The following EYS variants were observed in gnomAD, a reference collection of about 807,000 sequenced individuals.
EYS encodes protein eyes shut homolog.
EYS carries 250 observed loss-of-function variants against 282.1 expected under a neutral mutation model. That is an observed-to-expected ratio of 0.89 (90% CI 0.80 to 0.98). EYS has a LOEUF of 0.98. EYS is among the 50% of genes least tolerant of loss of function. The pLI is 0.00. For missense variants in EYS, 4,016 were observed against 3,709.0 expected (o/e 1.08, Z -2.15); for synonymous variants, 1,355 against 1,282.9 (o/e 1.06, Z -1.20).
chr6:64,439,014 GA>G (rs1182817651), intron 27 of EYS, 147 bp downstream of exon 27: 18 of 398,718 alleles, frequency 4.5e-5, no homozygotes, highest in Non-Finnish European at 7.0e-5. Flanking sequence ...TACATAGAAA[GA>G]AATTATAAAA....
intron 22 of EYS, among the ~76,000 whole-genome samples, chr6:64,746,257 A>T (rs775160008): frequency 1.3e-5 from 2 of 152,024 alleles, no homozygotes; most frequent in Non-Finnish European, 2.9e-5. Flanking sequence ...TTCCATCCTC[A>T]TAAGTGGATT....
intron 22 of EYS, among the ~76,000 whole-genome samples, chr6:64,710,610 C>T (rs979988942): frequency 6.6e-6 from 1 of 152,224 alleles, no homozygotes; most frequent in Non-Finnish European, 1.5e-5. Context: ...CCTGTGTTTC[C>T]TTCCTTTGTT....
At chr6:65,657,909 A>G (rs941559649) in intron 1 of EYS, among the ~76,000 whole-genome samples, 1 of 151,944 alleles carries the variant, frequency 6.6e-6, no homozygotes, top group East Asian at 1.9e-4. Flanking sequence ...ACCTTCCTTC[A>G]TCAGTCAGCA....
At chr6:63,722,277 C>G (rs980172613) in intron 42 of EYS, among the ~76,000 whole-genome samples, 1 of 152,054 alleles carries the variant, frequency 6.6e-6, no homozygotes, top group African/African-American at 2.4e-5. Flanking sequence ...CGCCTGTTTT[C>G]TAGGAACACT....
intron 22 of EYS, among the ~76,000 whole-genome samples, chr6:64,752,977 C>T (rs1772812195): frequency 6.6e-6 from 1 of 152,090 alleles, no homozygotes; most frequent in Non-Finnish European, 1.5e-5. Flanking sequence ...AACTATCAGA[C>T]ATGCATTTTG....
chr6:64,393,818 T>G (rs1004095551), intron 28 of EYS, among the ~76,000 whole-genome samples: 41 of 151,932 alleles, frequency 2.7e-4, no homozygotes, highest in African/African-American at 9.2e-4. Flanking sequence ...ATGGTATTCA[T>G]TTAGGAAAAG....
At chr6:65,536,327 T>G (rs891292140) in intron 2 of EYS, among the ~76,000 whole-genome samples, 2 of 140,240 alleles carry the variant, frequency 1.4e-5, no homozygotes, top group African/African-American at 6.5e-5. Flanking sequence ...AGCAGAGATT[T>G]TTTTTTTTTT....
chr6:65,254,970 T>C (rs1767421632), intron 12 of EYS, among the ~76,000 whole-genome samples: 1 of 151,782 alleles, frequency 6.6e-6, no homozygotes, highest in Non-Finnish European at 1.5e-5. Context: ...GCAAAATAAC[T>C]GCCATTGAAA....
At chr6:65,458,126 G>T (rs1764695398) in intron 5 of EYS, among the ~76,000 whole-genome samples, 2 of 152,126 alleles carry the variant, frequency 1.3e-5, no homozygotes, top group South Asian at 4.2e-4. Flanking sequence ...AACATCTTTG[G>T]AATATAACTA....
At chr6:64,775,088 A>T (rs1239679494) in intron 22 of EYS, among the ~76,000 whole-genome samples, 1 of 151,998 alleles carries the variant, frequency 6.6e-6, no homozygotes, top group African/African-American at 2.4e-5. Flanking sequence ...CTCTCCTGGG[A>T]TAAAACAGCA....
intron 22 of EYS, among the ~76,000 whole-genome samples, chr6:64,748,692 G>C (rs1772638901): frequency 6.6e-6 from 1 of 152,132 alleles, no homozygotes; most frequent in South Asian, 2.1e-4. Flanking sequence ...TAACCAAGTG[G>C]GCTTGGGAAG....
At chr6:64,745,646 A>G (rs1359776579) in intron 22 of EYS, among the ~76,000 whole-genome samples, 1 of 152,212 alleles carries the variant, frequency 6.6e-6, no homozygotes, top group Non-Finnish European at 1.5e-5. Flanking sequence ...CAGTTACTTA[A>G]GCAATAATAT....
intron 35 of EYS, among the ~76,000 whole-genome samples, chr6:63,881,485 G>A (rs926936023): frequency 3.3e-5 from 5 of 152,022 alleles, no homozygotes; most frequent in Middle Eastern, 3.2e-3. Flanking sequence ...CTATTTCCTG[G>A]TAAAAATATA....
At chr6:65,523,879 C>CG (rs1050265278) in intron 2 of EYS, among the ~76,000 whole-genome samples, 20 of 152,126 alleles carry the variant, frequency 1.3e-4, no homozygotes, top group Admixed American at 8.5e-4. Flanking sequence ...AAAAGTCCAA[C>CG]TTTTTGTTTG....
At chr6:64,692,523 T>G (rs1379146047) in intron 22 of EYS, among the ~76,000 whole-genome samples, 1 of 152,180 alleles carries the variant, frequency 6.6e-6, no homozygotes, top group African/African-American at 2.4e-5. Context: ...TTTTGGAGAC[T>G]TAGCCAAAAA....
chr6:64,650,122 T>G (rs1768505634), intron 22 of EYS, among the ~76,000 whole-genome samples: 1 of 152,026 alleles, frequency 6.6e-6, no homozygotes, highest in African/African-American at 2.4e-5. Flanking sequence ...AGAGAAAATA[T>G]AAATTTAAAT....
intron 12 of EYS, among the ~76,000 whole-genome samples, chr6:65,268,503 C>T (rs1767815953): frequency 6.6e-6 from 1 of 151,984 alleles, no homozygotes; most frequent in Non-Finnish European, 1.5e-5. Flanking sequence ...TACAATCAAA[C>T]ATTAATGCAA....
intron 26 of EYS, among the ~76,000 whole-genome samples, chr6:64,462,942 A>AT (rs58373990): frequency 0.15 from 16,209 of 105,868 alleles, 2,649 homozygotes; most frequent in African/African-American, 0.36. Flanking sequence ...CTCAGCTTTA[A>AT]TTTTTTTTTT....
chr6:64,967,484 A>T (rs1287446316), intron 14 of EYS, among the ~76,000 whole-genome samples: 1 of 151,892 alleles, frequency 6.6e-6, no homozygotes, highest in African/African-American at 2.4e-5. Context: ...CACCTGGCTA[A>T]TTTTTTTATT....
Sources: allele counts gnomAD v4.1 joint callset (sites outside exome capture counted in the v4.1 genomes callset), GRCh38; gene constraint gnomAD v4.1.1; transcripts MANE v1.5; gene names NCBI Gene and HGNC (gene_info 2026-07-23, HGNC 2026-07-21).